Variants in NBAS observed in about 807,000 individuals in gnomAD.
The protein encoded by NBAS is NBAS subunit of NRZ tethering complex.
Under a neutral mutation model 302.5 loss-of-function variants are expected in NBAS, and 219 were observed. The observed-to-expected ratio is 0.72, with a 90% CI of 0.65 to 0.81. NBAS has a LOEUF of 0.81. NBAS is among the 30% of genes least tolerant of loss of function. The probability of loss-of-function intolerance (pLI) is 0.00; values close to 1 mark genes in which losing one functional copy is unlikely to be tolerated. For missense variants in NBAS, 2,932 were observed against 2,841.6 expected, an observed-to-expected ratio of 1.03 and a Z score of -0.72; for synonymous variants, 1,118 against 1,021.6, an observed-to-expected ratio of 1.09 and a Z score of -1.80.
chr2:15,551,557 A>C, intron 5 of NBAS, 21 bp from the exon 6 acceptor site: 1 of 1,599,574 alleles, frequency 6.3e-7, no homozygotes, highest in Non-Finnish European at 8.5e-7. Context: ...TGCAAAATCA[A>C]GGCAAAAGTT....
the NBAS span, among the ~76,000 whole-genome samples, chr2:15,104,141 G>A: frequency 3.9e-5 from 6 of 152,248 alleles, no homozygotes; most frequent in East Asian, 1.2e-3. Context: ...AGTCTCATAA[G>A]ATCTGATGGT....
intron 35 of NBAS, among the ~76,000 whole-genome samples, chr2:15,349,447 C>A (rs1479813717): frequency 6.6e-6 from 1 of 152,114 alleles, no homozygotes; most frequent in East Asian, 1.9e-4. Context: ...TGCCAAAGGA[C>A]AAAGTGTATC....
At chr2:14,837,860 A>T in the NBAS span, among the ~76,000 whole-genome samples, 1 of 151,856 alleles carries the variant, frequency 6.6e-6, no homozygotes, top group South Asian at 2.1e-4. Flanking sequence ...TTTTTGCTGA[A>T]GAACACCTTT....
chr2:15,417,724 A>G lies in NBAS; in HGVS notation c.2578-12T>C, dbSNP rs1187774267. 1 of 1,610,944 alleles carries G rather than the reference A, an allele frequency of 6.2e-7. No individual in the cohort carries two copies. Among genetic ancestry groups the G allele is most frequent in the East Asian group, 2.2e-5 (1 of 44,662 alleles). ...AATGCACAGTCCACCTAAAATTGAA[A>G]AGCAACAATAAGTTCCTGAGTATTA... On this transcript the variant is annotated splice_polypyrimidine_tract_variant and intron_variant, in intron 23 of 51. Coordinates refer to ENST00000281513, the MANE Select transcript of NBAS (RefSeq NM_015909.4).
intron 35 of NBAS, among the ~76,000 whole-genome samples, chr2:15,346,087 A>G (rs770554878): frequency 1.2e-4 from 19 of 152,216 alleles, no homozygotes; most frequent in Non-Finnish European, 1.9e-4. Flanking sequence ...CATTCAGGAC[A>G]TCGGCAAGGG....
the NBAS span, among the ~76,000 whole-genome samples, chr2:15,155,569 G>C: frequency 2.6e-5 from 4 of 152,146 alleles, no homozygotes; most frequent in Non-Finnish European, 5.9e-5. Flanking sequence ...ATCTCCTCAA[G>C]GCTTCCAGGG....
At chr2:14,811,865 TG>T in the NBAS span, among the ~76,000 whole-genome samples, 1 of 152,104 alleles carries the variant, frequency 6.6e-6, no homozygotes, top group African/African-American at 2.4e-5. Context: ...TTAGCTATAG[TG>T]GGTTAGGAAA....
the NBAS span, among the ~76,000 whole-genome samples, chr2:14,991,277 A>T: frequency 1.5e-3 from 108 of 73,138 alleles, 1 homozygote; most frequent in South Asian, 2.6e-3. Context: ...ATTATAATTT[A>T]AAAAAAAAAC....
chr2:15,264,581 C>T (rs1668990254), intron 44 of NBAS, among the ~76,000 whole-genome samples: 1 of 152,194 alleles, frequency 6.6e-6, no homozygotes, highest in South Asian at 2.1e-4. Flanking sequence ...CCCGGATGGG[C>T]TTCTGCAGCC....
At chr2:14,858,748 G>A in the NBAS span, among the ~76,000 whole-genome samples, 1 of 151,894 alleles carries the variant, frequency 6.6e-6, no homozygotes, top group Admixed American at 6.6e-5. Flanking sequence ...ATAAGAACTA[G>A]TACTTGCTAG....
intron 44 of NBAS, among the ~76,000 whole-genome samples, chr2:15,272,780 T>G (rs993821375): frequency 6.6e-6 from 1 of 152,198 alleles, no homozygotes; most frequent in African/African-American, 2.4e-5. Flanking sequence ...CTGAGTCAGG[T>G]GCACCTCTAA....
At chr2:15,399,623 T>C (rs1031837942) in intron 26 of NBAS, among the ~76,000 whole-genome samples, 7 of 151,684 alleles carry the variant, frequency 4.6e-5, no homozygotes, top group African/African-American at 1.7e-4. Flanking sequence ...TTTCCCTACA[T>C]GAAGAAGGAA....
At chr2:15,540,707 CTTTTG>C (rs893636365) in intron 6 of NBAS, among the ~76,000 whole-genome samples, 3 of 139,634 alleles carry the variant, frequency 2.1e-5, no homozygotes, top group East Asian at 4.0e-4. Context: ...AAATATATGC[CTTTTG>C]TTTTGTTTTG....
At position 15,277,217 on chromosome 2, in the gene NBAS, A is replaced by G. The variant is rs1572574257; in HGVS notation, c.5139-116T>C. The G allele has an allele frequency of 3.8e-6, 5 of 1,312,148 alleles. No individual in the cohort carries two copies. In the South Asian group the frequency reaches 5.7e-5, roughly 15 times the overall value. The allele number at this position is 1,312,148 out of a possible 1,614,324, so 81.3% of individuals were successfully genotyped here. On this transcript the variant is annotated intron_variant, in intron 42 of 51. Transcript: ENST00000281513. Reference sequence around the variant, plus strand: ...ATAGCTCCCTTCTTCCTGCCTACTCAAAGACAGTAAACCACCACCAGAAGC... The same window carrying G: ...ATAGCTCCCTTCTTCCTGCCTACTCGAAGACAGTAAACCACCACCAGAAGC...
At chr2:14,784,830 A>C in the NBAS span, among the ~76,000 whole-genome samples, 1 of 152,168 alleles carries the variant, frequency 6.6e-6, no homozygotes, top group Non-Finnish European at 1.5e-5. Context: ...ATGAACTTTA[A>C]AGCAGTTTTT....
the NBAS span, among the ~76,000 whole-genome samples, chr2:14,904,507 T>C: frequency 6.6e-6 from 1 of 152,124 alleles, no homozygotes; most frequent in Non-Finnish European, 1.5e-5. Context: ...TCTTCCAGTA[T>C]GACAGGCTGA....
At chr2:15,485,698 G>A (rs1680595881) in intron 12 of NBAS, among the ~76,000 whole-genome samples, 1 of 152,198 alleles carries the variant, frequency 6.6e-6, no homozygotes. Flanking sequence ...CATACAGAAA[G>A]AAACCAGAGT....
At chr2:15,478,873 C>G (rs1439612044) in intron 12 of NBAS, among the ~76,000 whole-genome samples, 1 of 152,158 alleles carries the variant, frequency 6.6e-6, no homozygotes, top group African/African-American at 2.4e-5. Flanking sequence ...TGATATCTCT[C>G]AAATATCAAT....
At chr2:15,347,884 A>C (rs1448670745) in intron 35 of NBAS, among the ~76,000 whole-genome samples, 1 of 152,218 alleles carries the variant, frequency 6.6e-6, no homozygotes, top group Admixed American at 6.5e-5. Context: ...GGACAACAGC[A>C]ATATCTTCAA....
Sources: allele counts gnomAD v4.1 joint callset (sites outside exome capture counted in the v4.1 genomes callset), GRCh38; gene constraint gnomAD v4.1.1; transcripts MANE v1.5; gene names NCBI Gene and HGNC (gene_info 2026-07-23, HGNC 2026-07-21).